Variants in ZNF419 observed in about 807,000 individuals in gnomAD.
ZNF419 encodes zinc finger protein 419A.
ZNF419 carries 8 observed loss-of-function variants against 14.9 expected under a neutral mutation model. That is an observed-to-expected ratio of 0.54 (90% CI 0.32 to 0.97). ZNF419 has a LOEUF of 0.97. ZNF419 is among the 50% of genes least tolerant of loss of function. The probability of loss-of-function intolerance (pLI) is 0.04; values close to 1 mark genes in which losing one functional copy is unlikely to be tolerated. For synonymous variants in ZNF419, 211 were observed against 205.3 expected, an observed-to-expected ratio of 1.03 and a Z score of -0.24; for missense variants, 595 against 607.2, an observed-to-expected ratio of 0.98 and a Z score of 0.21.
chr19:57,493,007 C>G lies in ZNF419; in HGVS notation c.450C>G (p.Cys150Trp), dbSNP rs776921110. Residue 150 changes from cysteine to tryptophan, a missense_variant, in exon 5 of 5, where the codon TGC (cysteine) becomes TGG (tryptophan). Cys to Trp is a radical substitution (Grantham distance 215, BLOSUM62 -2). Coordinates refer to ENST00000221735, the MANE Select transcript of ZNF419 (RefSeq NM_024691.4). ...QEGRVPVLRS[C>W]KVHLSEKSLQ... ...GCAGGGTCCCAGTTTTGAGGAGTTGCAAAGTTCACCTATCAGAGAAGTCCT... is the reference window on the plus strand; with the variant it reads ...GCAGGGTCCCAGTTTTGAGGAGTTGGAAAGTTCACCTATCAGAGAAGTCCT... 26 of 1,614,002 alleles carry G rather than the reference C, an allele frequency of 1.6e-5. No homozygotes were observed. In the African/African-American group the frequency reaches 3.2e-4, roughly 20 times the overall value.
At chr19:57,492,777 G>A (rs569222427) in intron 4 of ZNF419, 79 bp from the exon 5 acceptor site, 1 of 1,575,546 alleles carries the variant, frequency 6.3e-7, no homozygotes. Context: ...ATTACTGGGT[G>A]TGTTAGACAC....
chr19:57,495,835 G>T lies in ZNF419; in HGVS notation c.*1745G>T, dbSNP rs2089603031. 1 of 135,438 alleles carries T rather than the reference G, an allele frequency of 7.4e-6. No individual in the cohort carries two copies. Among genetic ancestry groups the T allele is most frequent in the South Asian group, 2.5e-4 (1 of 3,946 alleles). 8.4% of individuals were successfully genotyped at this position (135,438 alleles called of 1,614,324 possible). A position where few individuals can be genotyped will look rare whatever the true frequency, so the allele number is the denominator to read the frequency against. On this transcript the variant is annotated 3_prime_UTR_variant, in exon 5 of 5. Coordinates refer to ENST00000221735, the MANE Select transcript of ZNF419 (RefSeq NM_024691.4). Reference sequence around the variant, plus strand: ...TAAATATCCAACTTCTGAAATATTTGTAGGTTTAACTACAAATAAATAATT... The same window carrying T: ...TAAATATCCAACTTCTGAAATATTTTTAGGTTTAACTACAAATAAATAATT...
In ZNF419 at chr19:57,493,507, G is replaced by A. The variant is rs370736305; in HGVS notation, c.950G>A (p.Cys317Tyr). ...CACACTGGAGTAAGGCCTTATGAGT[G>A]CAGTGAATGTGGAAAATTGTTTAGT... ...KIHTGVRPYECSECGKLFSFN... is the reference protein window; with the variant it reads ...KIHTGVRPYEYSECGKLFSFN... Residue 317 changes from cysteine to tyrosine, a missense_variant, in exon 5 of 5, where the codon TGC (cysteine) becomes TAC (tyrosine). Coordinates refer to ENST00000221735, the MANE Select transcript of ZNF419 (RefSeq NM_024691.4). The A allele has an allele frequency of 1.5e-5, 24 of 1,614,054 alleles. No homozygotes were observed. In the African/African-American group the frequency reaches 2.8e-4, roughly 19 times the overall value.
chr19:57,494,179 T>G lies in ZNF419; in HGVS notation c.*89T>G, dbSNP rs2089577183. 4.0e-6 allele frequency: 6 copies of G among 1,511,476 alleles called. No homozygotes were observed. The highest frequency in any genetic ancestry group is 5.3e-6 in the Non-Finnish European group (6 of 1,131,236). The allele number at this position is 1,511,476 out of a possible 1,614,324, so 93.6% of individuals were successfully genotyped here. On this transcript the variant is annotated 3_prime_UTR_variant, in exon 5 of 5. Coordinates refer to ENST00000221735, the MANE Select transcript of ZNF419 (RefSeq NM_024691.4). The stretch of plus-strand genomic sequence containing the variant: ...AAATCTTGAAGGTAACAGATGGAAA[T>G]CCGTTAGCCACACCTCCAGTCTCAT...
Position 57,493,021 on chromosome 19 carries a change from C to A in ZNF419, c.464C>A (p.Ser155Ter). 1 of 1,614,152 alleles carries A rather than the reference C, an allele frequency of 6.2e-7. No individual in the cohort carries two copies. The highest frequency in any genetic ancestry group is 8.5e-7 in the Non-Finnish European group (1 of 1,180,020). Residue 155 changes from serine (S) to a stop codon, truncating the protein, a stop_gained, in exon 5 of 5, where the codon TCA becomes TAA. Transcript: ENST00000221735. LOFTEE classifies it low-confidence loss of function (END_TRUNC). ...TTGAGGAGTTGCAAAGTTCACCTAT[C>A]AGAGAAGTCCTTGCAAAGCAGGGAG... ...PVLRSCKVHL[S>*]EKSLQSREVG...
intron 2 of ZNF419, 131 bp downstream of exon 2, chr19:57,490,316 C>A: frequency 2.7e-6 from 2 of 748,212 alleles, no homozygotes; most frequent in South Asian, 3.2e-5. Context: ...GGAAGATGGT[C>A]ACACACAGTC....
intron 4 of ZNF419, 48 bp from the exon 5 acceptor site, chr19:57,492,808 C>T (rs773672260): frequency 1.1e-5 from 17 of 1,613,152 alleles, no homozygotes; most frequent in East Asian, 2.2e-5. Context: ...GTGCTGCCTC[C>T]TCACACCAAA....
chr19:57,492,201 C>T lies in ZNF419; in HGVS notation c.288C>T (p.Ala96=). Residue 96 remains alanine (A), a synonymous_variant, in exon 4 of 5, where the codon GCC becomes GCT. Transcript: ENST00000221735. ...FMPAWEVVTS[A]IPRGCWHGAE... ...CTGCTTGGGAAGTTGTGACTTCAGCCATACCGAGAGGTAGTTGGTGGGTGG... is the reference window on the plus strand; with the variant it reads ...CTGCTTGGGAAGTTGTGACTTCAGCTATACCGAGAGGTAGTTGGTGGGTGG... 2 of 1,614,074 alleles carry T rather than the reference C, an allele frequency of 1.2e-6. No homozygotes were observed. Among genetic ancestry groups the T allele is most frequent in the Non-Finnish European group, 1.7e-6 (2 of 1,180,028 alleles).
rs1050255132 is a variant in ZNF419, at chr19:57,494,318, G to A, written c.*228G>A. 15 of 618,796 alleles carry A rather than the reference G, an allele frequency of 2.4e-5. No individual in the cohort carries two copies. Among genetic ancestry groups the A allele is most frequent in the Non-Finnish European group, 3.4e-5 (13 of 379,238 alleles). The allele number at this position is 618,796 out of a possible 1,614,324, so 38.3% of individuals were successfully genotyped here. On this transcript the variant is annotated 3_prime_UTR_variant, in exon 5 of 5. Transcript: ENST00000221735. ...GTTTACACTGGAGAAAGGCCTTAGG[G>A]TGACAGGTTATGTACTGTCTCTGAA...
intron 4 of ZNF419, 48 bp from the exon 5 acceptor site, chr19:57,492,808 C>G (rs773672260): frequency 1.2e-6 from 2 of 1,613,152 alleles, no homozygotes; most frequent in Non-Finnish European, 1.7e-6. Flanking sequence ...GTGCTGCCTC[C>G]TCACACCAAA....
Position 57,493,076 on chromosome 19 carries a change from T to C in ZNF419, c.519T>C (p.Gly173=), listed in dbSNP as rs746674346. The C allele has an allele frequency of 5.0e-6, 8 of 1,613,842 alleles. No individual in the cohort carries two copies. The East Asian group carries it at 1.8e-4, about 36-fold the overall frequency. The part of the protein sequence containing the change: ...EVGKALLISS[G]VLKHQVTHTG... The stretch of plus-strand genomic sequence containing the variant: ...GGAAGGCCCTCCTGATCAGCTCAGG[T>C]GTTCTCAAGCACCAGGTGACTCACA... The change falls in exon 5 of 5, where the codon GGT becomes GGC. Residue 173 remains glycine (G), a synonymous_variant. Coordinates refer to ENST00000221735, the MANE Select transcript of ZNF419 (RefSeq NM_024691.4).
rs7248267 is a variant in ZNF419, at chr19:57,494,300, C to A, written c.*210C>A. On this transcript the variant is annotated 3_prime_UTR_variant, in exon 5 of 5. Coordinates refer to ENST00000221735, the MANE Select transcript of ZNF419 (RefSeq NM_024691.4). Reference sequence around the variant, plus strand: ...CCTATTCAACACCAGAAAGTTTACACTGGAGAAAGGCCTTAGGGTGACAGG... The same window carrying A: ...CCTATTCAACACCAGAAAGTTTACAATGGAGAAAGGCCTTAGGGTGACAGG... 0.7 allele frequency: 488,618 copies of A among 702,210 alleles called. 170,655 individuals carry two copies. The highest frequency in any genetic ancestry group is 0.79 in the South Asian group (33,366 of 42,262). 43.5% of individuals were successfully genotyped at this position (702,210 alleles called of 1,614,324 possible). A position where few individuals can be genotyped will look rare whatever the true frequency, so the allele number is the denominator to read the frequency against.
chr19:57,488,075 C>G, intron 1 of ZNF419, 92 bp downstream of exon 1: 1 of 1,558,682 alleles, frequency 6.4e-7, no homozygotes, highest in Non-Finnish European at 8.8e-7. Flanking sequence ...GTGGGGCGTT[C>G]GTGCGCGGCG....
intron 1 of ZNF419, chr19:57,489,131 C>G (rs1380842054): frequency 2.6e-5 from 4 of 152,258 alleles, no homozygotes; most frequent in Admixed American, 6.5e-5. Context: ...GGATGATCAA[C>G]TGCTCCAGTA....
chr19:57,493,512 G>A lies in ZNF419; in HGVS notation c.955G>A (p.Glu319Lys). The A allele has an allele frequency of 6.2e-7, 1 of 1,614,128 alleles. No homozygotes were observed. Among genetic ancestry groups the A allele is most frequent in the Non-Finnish European group, 8.5e-7 (1 of 1,180,016 alleles). The change falls in exon 5 of 5, where the codon GAA becomes AAA. Residue 319 changes from glutamate (E) to lysine (K), a missense_variant. Physicochemically the swap from Glu to Lys is moderately conservative, Grantham distance 56. Transcript: ENST00000221735. ...HTGVRPYECS[E>K]CGKLFSFNSS... The stretch of plus-strand genomic sequence containing the variant: ...TGGAGTAAGGCCTTATGAGTGCAGT[G>A]AATGTGGAAAATTGTTTAGTTTCAA...
At chr19:57,490,288 C>A in intron 2 of ZNF419, 103 bp downstream of exon 2, 2 of 1,108,716 alleles carry the variant, frequency 1.8e-6, no homozygotes, top group Non-Finnish European at 1.3e-6. Flanking sequence ...TCTCCCTACC[C>A]TTCCATTTGA....
rs1223204806 is a variant in ZNF419, at chr19:57,495,117, T to C, written c.*1027T>C. 6.6e-6 allele frequency: 1 copy of C among 152,238 alleles called. No individual in the cohort carries two copies. Among genetic ancestry groups the C allele is most frequent in the East Asian group, 1.9e-4 (1 of 5,202 alleles). The allele number at this position is 152,238 out of a possible 1,614,324, so 9.4% of individuals were successfully genotyped here. On this transcript the variant is annotated 3_prime_UTR_variant, in exon 5 of 5. Coordinates refer to ENST00000221735, the MANE Select transcript of ZNF419 (RefSeq NM_024691.4). Reference sequence around the variant, plus strand: ...TTCTGGAGACAAATTCCTTATTTGATATAAGCATTGTCAATATTTTCTCAT... The same window carrying C: ...TTCTGGAGACAAATTCCTTATTTGACATAAGCATTGTCAATATTTTCTCAT...
chr19:57,488,122 G>A (rs1335725861), intron 1 of ZNF419, 139 bp downstream of exon 1: 5 of 1,304,346 alleles, frequency 3.8e-6, no homozygotes, highest in Middle Eastern at 2.7e-4. Flanking sequence ...GGGTGGCAAT[G>A]GAGGGCAAGG....
rs1354504357 is a variant in ZNF419, at chr19:57,494,354, C to G, written c.*264C>G. The G allele has an allele frequency of 4.7e-6, 2 of 422,144 alleles. No individual in the cohort carries two copies. Among genetic ancestry groups the G allele is most frequent in the Non-Finnish European group, 8.0e-6 (2 of 249,196 alleles). 26.1% of individuals were successfully genotyped at this position (422,144 alleles called of 1,614,324 possible). ...TGTACTGTCTCTGAATCAATATGAC[C>G]TCACTTAAAACAGAAACTCTGAGGA... is the stretch of plus-strand genomic sequence containing the variant. On this transcript the variant is annotated 3_prime_UTR_variant, in exon 5 of 5. Coordinates refer to ENST00000221735, the MANE Select transcript of ZNF419 (RefSeq NM_024691.4).
Sources: allele counts gnomAD v4.1 joint callset, GRCh38; gene constraint gnomAD v4.1.1; transcripts MANE v1.5; gene names NCBI Gene and HGNC (gene_info 2026-07-23, HGNC 2026-07-21).